The following NEO1 variants were observed in gnomAD, a reference collection of about 807,000 sequenced individuals.
NEO1 encodes the protein neogenin.
A neutral mutation model predicts 159.7 loss-of-function variants in NEO1; 63 were observed. That is an observed-to-expected ratio of 0.39 (90% CI 0.32 to 0.49). NEO1 has a LOEUF of 0.49. NEO1 is among the 20% of genes least tolerant of loss of function. The pLI, the probability that NEO1 is intolerant of heterozygous loss-of-function variation, is 0.85. For synonymous variants in NEO1, 633 were observed against 662.0 expected, an observed-to-expected ratio of 0.96 and a Z score of 0.67; for missense variants, 1,615 against 1,831.0, an observed-to-expected ratio of 0.88 and a Z score of 2.15.
At chr15:73,077,425 C>T (rs1438686854) in intron 1 of NEO1, among the ~76,000 whole-genome samples, 1 of 152,140 alleles carries the variant, frequency 6.6e-6, no homozygotes, top group Non-Finnish European at 1.5e-5. Flanking sequence ...TCAGTTTTGG[C>T]AGTATAAAGG....
At chr15:73,204,371 A>AT (rs2037093420) in intron 7 of NEO1, among the ~76,000 whole-genome samples, 1 of 152,074 alleles carries the variant, frequency 6.6e-6, no homozygotes, top group South Asian at 2.1e-4. Flanking sequence ...TTTGTCATTA[A>AT]TTTTGGAAAA....
chr15:73,217,598 T>A (rs1473961273), intron 7 of NEO1, among the ~76,000 whole-genome samples: 1 of 152,208 alleles, frequency 6.6e-6, no homozygotes, highest in Non-Finnish European at 1.5e-5. Flanking sequence ...TATCCTCTTC[T>A]ATTTCATTGA....
At chr15:73,261,102 G>A (rs2150991123) in intron 15 of NEO1, among the ~76,000 whole-genome samples, 1 of 152,064 alleles carries the variant, frequency 6.6e-6, no homozygotes, top group East Asian at 1.9e-4. Context: ...TGGTTCCTGT[G>A]TCCATTTGAC....
chr15:73,104,948 T>A (rs567332444), intron 1 of NEO1, among the ~76,000 whole-genome samples: 2 of 152,228 alleles, frequency 1.3e-5, no homozygotes, highest in South Asian at 4.2e-4. Flanking sequence ...AGGCCTCACC[T>A]CCAACACTGG....
intron 7 of NEO1, among the ~76,000 whole-genome samples, chr15:73,188,023 A>G (rs771995138): frequency 4.9e-4 from 74 of 152,326 alleles, no homozygotes; most frequent in Middle Eastern, 3.4e-3. Context: ...AAATCCAGAC[A>G]TATCAGTGAA....
Position 73,289,239 on chromosome 15 carries a change from G to C in NEO1, c.3742+1G>C. On this transcript the variant is annotated splice_donor_variant, in intron 25 of 28. Coordinates refer to ENST00000261908, the MANE Select transcript of NEO1 (RefSeq NM_002499.4). LOFTEE classifies it high-confidence loss of function. ...CCCTTTGACTCCCAGCCACCCCAGCGTAAGTAGAAGCATCTCTTTTCCTCA... is the reference window on the plus strand; with the variant it reads ...CCCTTTGACTCCCAGCCACCCCAGCCTAAGTAGAAGCATCTCTTTTCCTCA... The C allele has an allele frequency of 1.2e-6, 2 of 1,613,518 alleles. No homozygotes were observed. Among genetic ancestry groups the C allele is most frequent in the Non-Finnish European group, 8.5e-7 (1 of 1,179,538 alleles).
intron 1 of NEO1, among the ~76,000 whole-genome samples, chr15:73,088,005 A>G (rs2069460090): frequency 6.6e-6 from 1 of 152,078 alleles, no homozygotes; most frequent in Non-Finnish European, 1.5e-5. Flanking sequence ...CTAGAAAAGA[A>G]TTTGACATAT....
At chr15:73,280,228 G>A (rs941118205) in intron 22 of NEO1, among the ~76,000 whole-genome samples, 6 of 151,786 alleles carry the variant, frequency 4.0e-5, no homozygotes, top group Admixed American at 3.9e-4. Context: ...AGAGGTTGCA[G>A]TGAGCCGAGG....
At chr15:73,282,340 A>G (rs991315291) in intron 22 of NEO1, among the ~76,000 whole-genome samples, 6 of 152,210 alleles carry the variant, frequency 3.9e-5, no homozygotes, top group African/African-American at 1.4e-4. Flanking sequence ...GTTGTTCACC[A>G]TTGCACCTTA....
chr15:73,125,751 A>G (rs2030118437), intron 3 of NEO1, among the ~76,000 whole-genome samples: 1 of 152,258 alleles, frequency 6.6e-6, no homozygotes, highest in Non-Finnish European at 1.5e-5. Context: ...CTGAATAAGA[A>G]ATACAAAAAT....
At chr15:73,199,820 G>A (rs376919895) in intron 7 of NEO1, among the ~76,000 whole-genome samples, 6 of 152,122 alleles carry the variant, frequency 3.9e-5, no homozygotes, top group East Asian at 1.9e-4. Context: ...TTCCAAGATG[G>A]TGCCTTATTG....
intron 1 of NEO1, among the ~76,000 whole-genome samples, chr15:73,091,777 G>A (rs1032851699): frequency 7.0e-6 from 1 of 142,876 alleles, no homozygotes; most frequent in Non-Finnish European, 1.5e-5. Flanking sequence ...AATGGATTCT[G>A]TAGGATATTG....
chr15:73,156,692 C>G (rs2033805268), intron 5 of NEO1, among the ~76,000 whole-genome samples: 1 of 152,200 alleles, frequency 6.6e-6, no homozygotes, highest in South Asian at 2.1e-4. Flanking sequence ...TATGCCTAAC[C>G]TCTGTTTCTG....
At chr15:73,086,290 C>T (rs1335975775) in intron 1 of NEO1, among the ~76,000 whole-genome samples, 2 of 152,164 alleles carry the variant, frequency 1.3e-5, no homozygotes, top group Non-Finnish European at 2.9e-5. Flanking sequence ...ATCTATATAT[C>T]TGTCCTTTTG....
chr15:73,137,514 C>T (rs925774477), intron 5 of NEO1, among the ~76,000 whole-genome samples: 1 of 152,088 alleles, frequency 6.6e-6, no homozygotes, highest in African/African-American at 2.4e-5. Flanking sequence ...AGTCTCTGCT[C>T]ACTGCAGCCT....
At chr15:73,132,091 C>A (rs1476293379) in intron 4 of NEO1, among the ~76,000 whole-genome samples, 1 of 152,156 alleles carries the variant, frequency 6.6e-6, no homozygotes, top group Non-Finnish European at 1.5e-5. Context: ...GTGTTTCCCA[C>A]TTGAGATGCA....
intron 1 of NEO1, among the ~76,000 whole-genome samples, chr15:73,088,882 C>T (rs2069518288): frequency 6.6e-6 from 1 of 151,892 alleles, no homozygotes; most frequent in Non-Finnish European, 1.5e-5. Flanking sequence ...AGAAAAACTC[C>T]TAAGAAGAAG....
chr15:73,273,612 C>T (rs1486500467), intron 19 of NEO1, among the ~76,000 whole-genome samples, 199 bp from the exon 20 acceptor site: 1 of 152,122 alleles, frequency 6.6e-6, no homozygotes, highest in East Asian at 1.9e-4. Context: ...TAGGAGATCA[C>T]ATCGGTAAGA....
At chr15:73,207,003 C>T (rs2037276400) in intron 7 of NEO1, among the ~76,000 whole-genome samples, 1 of 152,074 alleles carries the variant, frequency 6.6e-6, no homozygotes, top group Admixed American at 6.5e-5. Context: ...ACTACAGGTG[C>T]ACACCACCAC....
Sources: allele counts gnomAD v4.1 joint callset (sites outside exome capture counted in the v4.1 genomes callset), GRCh38; gene constraint gnomAD v4.1.1; transcripts MANE v1.5; gene names NCBI Gene and HGNC (gene_info 2026-07-23, HGNC 2026-07-21).